LRRC1: variants seen among roughly 807,000 people sequenced by gnomAD.
LRRC1 encodes the protein leucine rich repeat containing 1.
Under a neutral mutation model 69.9 loss-of-function variants are expected in LRRC1, and 28 were observed. The observed-to-expected ratio is 0.40, with a 90% CI of 0.30 to 0.55. LRRC1 has a LOEUF of 0.55. Ranked by LOEUF, LRRC1 falls within the 20% of genes least tolerant of loss-of-function variation. LRRC1 has a pLI of 0.47. For synonymous variants in LRRC1, 236 were observed against 240.2 expected (o/e 0.98, Z 0.16); for missense variants, 498 against 609.0 (o/e 0.82, Z 1.92).
In LRRC1 at chr6:53,922,822, G is replaced by A; in HGVS notation, c.*29G>A. The A allele has an allele frequency of 1.9e-6, 3 of 1,604,210 alleles. No individual in the cohort carries two copies. Among genetic ancestry groups the A allele is most frequent in the South Asian group, 2.2e-5 (2 of 89,832 alleles). ...TTCACCTCCAAGTTTTACCTCCTGTGTCTTCCTCTGCTGTCGAGACGTTCC... is the reference window on the plus strand; with the variant it reads ...TTCACCTCCAAGTTTTACCTCCTGTATCTTCCTCTGCTGTCGAGACGTTCC... On this transcript the variant is annotated 3_prime_UTR_variant, in exon 14 of 14. Coordinates refer to ENST00000370888, the MANE Select transcript of LRRC1 (RefSeq NM_018214.5).
chr6:53,816,619 A>T (rs1355900787), intron 1 of LRRC1, among the ~76,000 whole-genome samples: 2 of 152,306 alleles, frequency 1.3e-5, no homozygotes, highest in East Asian at 3.9e-4. Context: ...TAGCTTTCTT[A>T]CAATCAGAAT....
At chr6:53,829,182 T>G (rs73741372) in intron 1 of LRRC1, among the ~76,000 whole-genome samples, 2,542 of 152,258 alleles carry the variant, frequency 0.017, 77 homozygotes, top group African/African-American at 0.059. Flanking sequence ...TGAACATGAG[T>G]CTGAATCCTG....
intron 9 of LRRC1, among the ~76,000 whole-genome samples, chr6:53,903,320 A>G (rs1768122804): frequency 6.7e-6 from 1 of 150,080 alleles, no homozygotes; most frequent in Non-Finnish European, 1.5e-5. Flanking sequence ...GGCTCCCACC[A>G]GACAAGGGCA....
chr6:53,867,192 G>A (rs957166110), intron 2 of LRRC1, among the ~76,000 whole-genome samples: 1 of 152,024 alleles, frequency 6.6e-6, no homozygotes, highest in African/African-American at 2.4e-5. Flanking sequence ...CCTCCTTAAC[G>A]TTTTTGTGAA....
intron 4 of LRRC1, among the ~76,000 whole-genome samples, chr6:53,887,584 T>C (rs1039164147): frequency 1.1e-4 from 16 of 152,086 alleles, no homozygotes; most frequent in Non-Finnish European, 1.8e-4. Context: ...GAAATGGAGA[T>C]AAGTGATCTG....
chr6:53,897,037 C>T, intron 6 of LRRC1, 145 bp downstream of exon 6: 1 of 654,290 alleles, frequency 1.5e-6, no homozygotes, highest in Non-Finnish European at 2.7e-6. Flanking sequence ...TTATTTCACA[C>T]AAGTTAGGAA....
At chr6:53,903,719 G>C (rs1330125776) in intron 9 of LRRC1, among the ~76,000 whole-genome samples, 3 of 152,202 alleles carry the variant, frequency 2.0e-5, no homozygotes, top group Non-Finnish European at 4.4e-5. Flanking sequence ...TCAGACAGCT[G>C]AAGCAGCCAG....
intron 1 of LRRC1, among the ~76,000 whole-genome samples, chr6:53,839,685 A>T (rs12663216): frequency 6.6e-6 from 1 of 151,948 alleles, no homozygotes; most frequent in Non-Finnish European, 1.5e-5. Context: ...CATTCTCTCA[A>T]TATTGACATA....
chr6:53,868,445 C>G (rs1222608188), intron 2 of LRRC1, among the ~76,000 whole-genome samples: 6 of 152,060 alleles, frequency 3.9e-5, no homozygotes, highest in Non-Finnish European at 5.9e-5. Context: ...AGGCTGGTCT[C>G]GAACTCCTGA....
chr6:53,885,629 C>T (rs1225044592), intron 4 of LRRC1, among the ~76,000 whole-genome samples: 1 of 152,158 alleles, frequency 6.6e-6, no homozygotes, highest in Non-Finnish European at 1.5e-5. Flanking sequence ...TTCATTTCTC[C>T]TCTTGGCACC....
intron 11 of LRRC1, among the ~76,000 whole-genome samples, chr6:53,917,716 A>G (rs949822130): frequency 1.3e-5 from 2 of 152,168 alleles, no homozygotes; most frequent in African/African-American, 4.8e-5. Flanking sequence ...AAGACTTGAA[A>G]CTTTAAACAT....
In LRRC1 at chr6:53,912,911, G is replaced by C. The variant is rs1328602402; in HGVS notation, c.991-943G>C. Among the ~76,000 whole-genome samples the C allele has an allele frequency of 2.6e-5, 4 of 152,072 alleles. No individual in the cohort carries two copies. The East Asian group carries it at 7.7e-4, about 29-fold the overall frequency. ...CCCTTAGTCAGGAGAGTGAGTACAAGAAGAATGTAGTACTTTATGGAGTCC... is the reference window on the plus strand; with the variant it reads ...CCCTTAGTCAGGAGAGTGAGTACAACAAGAATGTAGTACTTTATGGAGTCC... On this transcript the variant is annotated intron_variant, in intron 10 of 13. Transcript: ENST00000370888.
intron 10 of LRRC1, among the ~76,000 whole-genome samples, chr6:53,912,249 T>G (rs1412985124): frequency 6.6e-6 from 1 of 152,170 alleles, no homozygotes; most frequent in East Asian, 1.9e-4. Context: ...TTTTGTGCTG[T>G]CAGAGGGTTA....
intron 4 of LRRC1, chr6:53,884,061 CT>C: frequency 4.2e-6 from 3 of 713,950 alleles, no homozygotes; most frequent in Non-Finnish European, 7.8e-6. Flanking sequence ...AAATTCTGCC[CT>C]TAAACTCTCA....
At chr6:53,866,791 T>G (rs1346358037) in intron 2 of LRRC1, among the ~76,000 whole-genome samples, 1 of 152,140 alleles carries the variant, frequency 6.6e-6, no homozygotes, top group African/African-American at 2.4e-5. Context: ...ATTTTTAAAG[T>G]TTTTGTTACT....
At position 53,864,667 on chromosome 6, in the gene LRRC1, T is replaced by C. The variant is rs566807050; in HGVS notation, c.278-14326T>C. On this transcript the variant is annotated intron_variant, in intron 2 of 13. Coordinates refer to ENST00000370888, the MANE Select transcript of LRRC1 (RefSeq NM_018214.5). ...AAGATTAGAGAGAATGCATGCAAAGTGCCAGTCATGATACCCGGTACATAA... is the reference window on the plus strand; with the variant it reads ...AAGATTAGAGAGAATGCATGCAAAGCGCCAGTCATGATACCCGGTACATAA... Among the ~76,000 whole-genome samples the C allele has an allele frequency of 2.1e-4, 32 of 152,270 alleles. 2 individuals carry two copies. The highest frequency in any genetic ancestry group is 7.5e-4 in the African/African-American group (31 of 41,504).
intron 2 of LRRC1, among the ~76,000 whole-genome samples, chr6:53,862,471 T>C (rs1156688993): frequency 1.3e-5 from 2 of 152,204 alleles, no homozygotes; most frequent in Non-Finnish European, 2.9e-5. Context: ...ATCAGCATCT[T>C]GTACCCCAGG....
In LRRC1 at chr6:53,900,036, T is replaced by TTTTG. The variant is rs1562066467; in HGVS notation, c.787+148_787+149insGTTT. On this transcript the variant is annotated intron_variant, in intron 8 of 13. Coordinates refer to ENST00000370888, the MANE Select transcript of LRRC1 (RefSeq NM_018214.5). ...CTCCTTACTGTTTTTTTTTTTTTTT[T>TTTTG]TTTTTTTTTTTTTTTTTCTGAGATG... is the stretch of plus-strand genomic sequence containing the variant. The TTTTG allele has an allele frequency of 6.3e-4, 413 of 654,526 alleles. 4 individuals are homozygous for TTTTG. In the African/African-American group the frequency reaches 8.6e-3, roughly 14 times the overall value. 40.5% of individuals were successfully genotyped at this position (654,526 alleles called of 1,614,324 possible). A position where few individuals can be genotyped will look rare whatever the true frequency, so the allele number is the denominator to read the frequency against.
intron 2 of LRRC1, among the ~76,000 whole-genome samples, chr6:53,849,164 G>C (rs929974455): frequency 6.7e-6 from 1 of 149,980 alleles, no homozygotes; most frequent in African/African-American, 2.5e-5. Context: ...TCTTCATTCA[G>C]TTACAGGTTC....
Sources: gnomAD v4.1 joint callset for allele counts (sites outside exome capture counted in the v4.1 genomes callset) on GRCh38, gnomAD v4.1.1 for gene constraint, MANE v1.5 for transcripts, NCBI Gene and HGNC (gene_info 2026-07-23, HGNC 2026-07-21) for gene names.